BACH2: variants seen among roughly 807,000 people sequenced by gnomAD.
BACH2 encodes the protein BACH transcriptional regulator 2, also known as transcription regulator protein BACH2.
A neutral mutation model predicts 61.8 loss-of-function variants in BACH2; 5 were observed. The ratio of observed to expected loss-of-function variants is 0.08; its 90% confidence interval spans 0.04 to 0.17. The LOEUF (loss-of-function observed/expected upper bound fraction) is 0.17, where lower values mean the gene tolerates loss of function less well. Among genes scored for constraint, BACH2 ranks in the 10% least tolerant of loss-of-function variants. The pLI is 1.00. For missense variants in BACH2, 824 were observed against 1,091.1 expected (o/e 0.76, Z 3.45); for synonymous variants, 446 against 440.1 (o/e 1.01, Z -0.17).
At chr6:90,224,214 T>G (rs185309619) in intron 3 of BACH2, among the ~76,000 whole-genome samples, 40 of 152,364 alleles carry the variant, frequency 2.6e-4, no homozygotes, top group Admixed American at 1.9e-3. Context: ...TAATGATAAT[T>G]TGACAACTAT....
intron 6 of BACH2, among the ~76,000 whole-genome samples, chr6:89,986,804 A>G (rs776605713): frequency 1.3e-5 from 2 of 152,214 alleles, no homozygotes; most frequent in Non-Finnish European, 2.9e-5. Context: ...TCATGCCAAA[A>G]TAACTTCATT....
intron 6 of BACH2, among the ~76,000 whole-genome samples, chr6:89,981,690 G>T (rs574006953): frequency 1.3e-5 from 2 of 152,250 alleles, no homozygotes; most frequent in East Asian, 3.9e-4. Flanking sequence ...AATTCTAGTG[G>T]TAACATTATT....
At chr6:89,938,616 T>C (rs756728153) in intron 7 of BACH2, among the ~76,000 whole-genome samples, 1 of 152,240 alleles carries the variant, frequency 6.6e-6, no homozygotes, top group Non-Finnish European at 1.5e-5. Flanking sequence ...TTGGAAAATG[T>C]GTCATTTTTC....
At position 90,052,921 on chromosome 6, in the gene BACH2, T is replaced by C. The variant is rs1199335691; in HGVS notation, c.-13+36040A>G. ...AATTTACATATATTGTGATTGCTGA[T>C]ATATCTGCATTTGTTTTTATAATAT... On this transcript the variant is annotated intron_variant, in intron 5 of 8. Coordinates refer to ENST00000257749, the MANE Select transcript of BACH2 (RefSeq NM_021813.4). Among the ~76,000 whole-genome samples the C allele has an allele frequency of 2.0e-5, 3 of 152,256 alleles. No individual in the cohort carries two copies. The East Asian group carries it at 5.8e-4, about 29-fold the overall frequency.
chr6:90,183,511 A>T (rs1351465285), intron 4 of BACH2, among the ~76,000 whole-genome samples: 1 of 152,234 alleles, frequency 6.6e-6, no homozygotes, highest in Non-Finnish European at 1.5e-5. Context: ...AAAACTGATT[A>T]TGCTTGTCAA....
At chr6:90,155,081 T>C (rs1784951189) in intron 4 of BACH2, among the ~76,000 whole-genome samples, 1 of 152,206 alleles carries the variant, frequency 6.6e-6, no homozygotes, top group Admixed American at 6.5e-5. Context: ...CTGTAATTTA[T>C]ATGGATATAA....
chr6:89,978,063 GC>G (rs1245149834), intron 6 of BACH2, among the ~76,000 whole-genome samples: 1 of 152,148 alleles, frequency 6.6e-6, no homozygotes, highest in Non-Finnish European at 1.5e-5. Flanking sequence ...TGAGTGGAAT[GC>G]TAAATGAGAA....
intron 4 of BACH2, among the ~76,000 whole-genome samples, chr6:90,156,942 C>G (rs1405099796): frequency 6.6e-6 from 1 of 152,166 alleles, no homozygotes; most frequent in African/African-American, 2.4e-5. Context: ...GGGATGGTAG[C>G]TGGGGAGATG....
intron 4 of BACH2, among the ~76,000 whole-genome samples, chr6:90,198,830 G>C (rs967336205): frequency 1.3e-5 from 2 of 152,186 alleles, no homozygotes; most frequent in Non-Finnish European, 2.9e-5. Flanking sequence ...ATTTCAAACT[G>C]TAGCTCCCAT....
rs58745003 is a variant in BACH2 at position 90,071,657 on chromosome 6, C to A, written c.-13+17304G>T. On this transcript the variant is annotated intron_variant, in intron 5 of 8. Transcript: ENST00000257749. ...TCTTTTCAGTTAAGGCTTGGGAAGA[C>A]CCTTGCATAACACAGGGGTTGGGGC... is the stretch of plus-strand genomic sequence containing the variant. Among the ~76,000 whole-genome samples the A allele has an allele frequency of 6.0e-3, 910 of 152,322 alleles. 54 individuals are homozygous for A. In the East Asian group the frequency reaches 0.14, roughly 23 times the overall value.
intron 5 of BACH2, among the ~76,000 whole-genome samples, chr6:90,072,165 T>C (rs569834808): frequency 6.6e-6 from 1 of 152,366 alleles, no homozygotes; most frequent in East Asian, 1.9e-4. Flanking sequence ...ATCTGTTGCA[T>C]GGAGTTGAAA....
At chr6:90,005,315 T>A (rs1433036733) in intron 6 of BACH2, among the ~76,000 whole-genome samples, 3 of 151,206 alleles carry the variant, frequency 2.0e-5, no homozygotes, top group Non-Finnish European at 4.4e-5. Flanking sequence ...GCCAAGGGAG[T>A]GTAGATGGGT....
intron 6 of BACH2, among the ~76,000 whole-genome samples, chr6:89,962,072 CTT>C (rs931206062): frequency 2.6e-5 from 4 of 152,116 alleles, no homozygotes; most frequent in Admixed American, 6.5e-5. Flanking sequence ...ACTTTCTTCT[CTT>C]TGTTTTGCAA....
chr6:90,221,614 A>G (rs1234922841), intron 3 of BACH2, among the ~76,000 whole-genome samples: 11 of 152,208 alleles, frequency 7.2e-5, no homozygotes, highest in Non-Finnish European at 1.5e-5. Context: ...GACAAATGCA[A>G]TAATGGAGGT....
At chr6:90,002,794 A>C (rs1285989482) in intron 6 of BACH2, among the ~76,000 whole-genome samples, 2 of 151,914 alleles carry the variant, frequency 1.3e-5, no homozygotes, top group South Asian at 2.1e-4. Context: ...AAAATAAACA[A>C]AACTCCCAAT....
At chr6:90,111,498 C>G (rs899770685) in intron 4 of BACH2, among the ~76,000 whole-genome samples, 1 of 152,258 alleles carries the variant, frequency 6.6e-6, no homozygotes, top group South Asian at 2.1e-4. Context: ...CTCATTCATG[C>G]CTGTACTCCT....
At chr6:90,078,321 T>C (rs1235160918) in intron 5 of BACH2, among the ~76,000 whole-genome samples, 1 of 151,994 alleles carries the variant, frequency 6.6e-6, no homozygotes, top group African/African-American at 2.4e-5. Context: ...CATGTTTAAA[T>C]AAAAAACAGG....
intron 4 of BACH2, among the ~76,000 whole-genome samples, chr6:90,158,613 T>C (rs1785074140): frequency 6.6e-6 from 1 of 151,324 alleles, no homozygotes. Context: ...TCATGATGTG[T>C]AGTAAGTAAC....
At position 89,927,280 on chromosome 6, in the gene BACH2, C is replaced by A. The variant is rs1562296785; in HGVS notation, c.*5128G>T. ...TCTTTATGTCAGAGCGTGAAACGGG[C>A]ATCCCAGGATTTGCACACACAAAAT... On this transcript the variant is annotated 3_prime_UTR_variant, in exon 9 of 9. Transcript: ENST00000257749. The A allele has an allele frequency of 6.5e-6, 1 of 152,796 alleles. No individual in the cohort carries two copies. Among genetic ancestry groups the A allele is most frequent in the Non-Finnish European group, 1.5e-5 (1 of 68,044 alleles). The allele number at this position is 152,796 out of a possible 1,614,324, so 9.5% of individuals were successfully genotyped here. A position where few individuals can be genotyped will look rare whatever the true frequency, so the allele number is the denominator to read the frequency against.
Sources: gnomAD v4.1 joint callset for allele counts (sites outside exome capture counted in the v4.1 genomes callset) on GRCh38, gnomAD v4.1.1 for gene constraint, MANE v1.5 for transcripts, NCBI Gene and HGNC (gene_info 2026-07-23, HGNC 2026-07-21) for gene names.